Variants in CSMD1 observed in about 807,000 individuals in gnomAD.
CSMD1 encodes the protein CUB and sushi domain-containing protein 1.
Under a neutral mutation model 417.5 loss-of-function variants are expected in CSMD1, and 213 were observed. The ratio of observed to expected loss-of-function variants is 0.51; its 90% confidence interval spans 0.46 to 0.57. The LOEUF is 0.57. CSMD1 is among the 20% of genes least tolerant of loss of function. The pLI, the probability that CSMD1 is intolerant of heterozygous loss-of-function variation, is 0.00. For synonymous variants in CSMD1, 2,862 were observed against 1,736.8 expected (o/e 1.65, Z -16.11); for missense variants, 6,923 against 4,529.7 (o/e 1.53, Z -15.17).
chr8:4,461,362 G>T (rs1012127120), intron 2 of CSMD1, among the ~76,000 whole-genome samples: 1 of 151,226 alleles, frequency 6.6e-6, no homozygotes, highest in Non-Finnish European at 1.5e-5. Context: ...TTTTAGCTAG[G>T]GCAGTGATGC....
chr8:3,739,530 T>C (rs1268029212), intron 6 of CSMD1, among the ~76,000 whole-genome samples: 1 of 152,132 alleles, frequency 6.6e-6, no homozygotes, highest in Non-Finnish European at 1.5e-5. Flanking sequence ...TGTATAATTA[T>C]TACACGTCAA....
intron 2 of CSMD1, among the ~76,000 whole-genome samples, chr8:4,453,653 C>A (rs1237142389): frequency 1.3e-5 from 2 of 152,032 alleles, no homozygotes; most frequent in East Asian, 1.9e-4. Flanking sequence ...TATCTCTAGC[C>A]CCCGACACCT....
chr8:3,037,908 CT>C (rs1371070831), intron 50 of CSMD1, among the ~76,000 whole-genome samples: 1 of 152,162 alleles, frequency 6.6e-6, no homozygotes, highest in African/African-American at 2.4e-5. Context: ...CTTCATAACA[CT>C]GTCATATTCT....
chr8:3,600,865 TATTA>T (rs1331029510), intron 8 of CSMD1, among the ~76,000 whole-genome samples: 3 of 152,160 alleles, frequency 2.0e-5, no homozygotes, highest in South Asian at 4.1e-4. Flanking sequence ...CACAGTATTT[TATTA>T]ATTAAATAAA....
At chr8:4,151,767 A>G (rs1046248550) in intron 3 of CSMD1, among the ~76,000 whole-genome samples, 4 of 152,210 alleles carry the variant, frequency 2.6e-5, no homozygotes, top group Non-Finnish European at 4.4e-5. Context: ...TCCTAGTGCC[A>G]CATTTCTTCT....
intron 3 of CSMD1, among the ~76,000 whole-genome samples, chr8:4,152,657 C>T (rs1453917748): frequency 3.3e-5 from 5 of 151,460 alleles, no homozygotes; most frequent in African/African-American, 4.9e-5. Flanking sequence ...GCCAGCGCAC[C>T]GCAACCCAAG....
chr8:3,165,223 T>C (rs34575292), intron 37 of CSMD1, among the ~76,000 whole-genome samples: 12,051 of 151,960 alleles, frequency 0.079, 562 homozygotes, highest in Middle Eastern at 0.13. Flanking sequence ...ACCTGGTATG[T>C]GTAAGAATAT....
intron 26 of CSMD1, among the ~76,000 whole-genome samples, chr8:3,265,827 T>C (rs1456455854): frequency 1.3e-5 from 2 of 152,036 alleles, no homozygotes; most frequent in Non-Finnish European, 1.5e-5. Flanking sequence ...TTTTGCTTGG[T>C]GGAGACCTGG....
At chr8:3,944,457 GT>G in intron 5 of CSMD1, among the ~76,000 whole-genome samples, 2 of 151,712 alleles carry the variant, frequency 1.3e-5, no homozygotes, top group South Asian at 4.2e-4. Context: ...TCTAGTTTTG[GT>G]TTTTTTTCCC....
At chr8:4,719,534 A>T (rs1447442232) in intron 1 of CSMD1, among the ~76,000 whole-genome samples, 1 of 151,966 alleles carries the variant, frequency 6.6e-6, no homozygotes, top group Non-Finnish European at 1.5e-5. Flanking sequence ...ACAAAAAAAA[A>T]ATCTTCACAA....
chr8:3,533,941 C>A (rs1475021715), intron 10 of CSMD1, among the ~76,000 whole-genome samples: 2 of 152,182 alleles, frequency 1.3e-5, no homozygotes, highest in African/African-American at 2.4e-5. Context: ...CACATGAACT[C>A]TCTAAGGATA....
intron 3 of CSMD1, among the ~76,000 whole-genome samples, chr8:4,129,253 T>C (rs143533487): frequency 2.9e-3 from 440 of 152,232 alleles, no homozygotes; most frequent in East Asian, 0.011. Flanking sequence ...GGATGTCTCC[T>C]GGGGAGCCTT....
chr8:3,407,825 C>T, intron 14 of CSMD1, 74 bp downstream of exon 14: 2 of 1,305,916 alleles, frequency 1.5e-6, no homozygotes, highest in Non-Finnish European at 2.1e-6. Context: ...TGCAACTTCA[C>T]ATACATATAA....
At chr8:3,382,055 C>T (rs970706483) in intron 18 of CSMD1, among the ~76,000 whole-genome samples, 4 of 151,956 alleles carry the variant, frequency 2.6e-5, no homozygotes, top group South Asian at 2.1e-4. Context: ...GTCAGGAGTT[C>T]GAGACCAGCC....
rs747491433 is a variant in CSMD1, at chr8:3,118,428, T to C, written c.6401A>G (p.Asn2134Ser). The C allele has an allele frequency of 6.8e-6, 11 of 1,613,288 alleles. No individual in the cohort carries two copies. The highest frequency in any genetic ancestry group is 8.5e-6 in the Non-Finnish European group (10 of 1,179,710). ...ACATCTTGGAAAAGGGTAGTTCCAG[T>C]TTCTGTTGATCCCATGCTGACAAGT... ...VLTCQHGINR[N>S]WNYPFPRCDA... is the part of the protein sequence containing the mutation. Residue 2134 changes from asparagine (N) to serine (S), a missense_variant, in exon 42 of 70, where the codon AAC becomes AGC. Asn to Ser is a conservative substitution (Grantham distance 46, BLOSUM62 1). Transcript: ENST00000635120.
intron 1 of CSMD1, among the ~76,000 whole-genome samples, chr8:4,753,582 G>A (rs1282571736): frequency 6.6e-6 from 1 of 151,908 alleles, no homozygotes; most frequent in African/African-American, 2.4e-5. Flanking sequence ...ACTTCTCATT[G>A]GCACCCATGA....
intron 1 of CSMD1, among the ~76,000 whole-genome samples, chr8:4,984,525 A>C (rs568002142): frequency 6.6e-6 from 1 of 152,138 alleles, no homozygotes. Flanking sequence ...GAAAAACACA[A>C]AGTTTTCTTG....
At position 4,666,878 on chromosome 8, in the gene CSMD1, A is replaced by G. The variant is rs574600893; in HGVS notation, c.86-29320T>C. Among the ~76,000 whole-genome samples, 438 of 152,222 alleles carry G rather than the reference A, an allele frequency of 2.9e-3. 1 individual carries two copies. The highest frequency in any genetic ancestry group is 6.8e-3 in the Middle Eastern group (2 of 294). On this transcript the variant is annotated intron_variant, in intron 1 of 69. Transcript: ENST00000635120. ...ATGAAGTCTGATTTATCAAACTCCT[A>G]TTTTAGTGCTCCTGCTTTTTGTGTG...
chr8:3,962,518 C>A (rs564834092), intron 5 of CSMD1, among the ~76,000 whole-genome samples: 15 of 152,210 alleles, frequency 9.9e-5, no homozygotes, highest in Non-Finnish European at 1.6e-4. Flanking sequence ...CCTATATTAA[C>A]GTAATAGGCT....
Sources: allele counts gnomAD v4.1 joint callset (sites outside exome capture counted in the v4.1 genomes callset), GRCh38; gene constraint gnomAD v4.1.1; transcripts MANE v1.5; gene names NCBI Gene and HGNC (gene_info 2026-07-23, HGNC 2026-07-21).